The following DDX59 variants were observed in gnomAD, a reference collection of about 807,000 sequenced individuals.
DDX59 encodes the protein probable ATP-dependent RNA helicase DDX59.
In DDX59, 30 loss-of-function variants were observed where a neutral mutation model predicts 51.9. The ratio of observed to expected loss-of-function variants is 0.58; its 90% confidence interval spans 0.43 to 0.78. DDX59 has a LOEUF of 0.78. Among genes scored for constraint, DDX59 ranks in the 30% least tolerant of loss-of-function variants. The probability of loss-of-function intolerance (pLI) is 0.00; values close to 1 mark genes in which losing one functional copy is unlikely to be tolerated. For missense variants in DDX59, 672 were observed against 730.8 expected, an observed-to-expected ratio of 0.92 and a Z score of 0.93; for synonymous variants, 255 against 253.3, an observed-to-expected ratio of 1.01 and a Z score of -0.06.
intron 3 of DDX59, among the ~76,000 whole-genome samples, chr1:200,660,376 C>T (rs989628439): frequency 6.6e-6 from 1 of 152,058 alleles, no homozygotes; most frequent in Non-Finnish European, 1.5e-5. Context: ...TCTCAGAGGG[C>T]ACCTGGGAGA....
Position 200,651,058 on chromosome 1 carries a change from T to C in DDX59, c.1063-382A>G, listed in dbSNP as rs78270581. Among the ~76,000 whole-genome samples the C allele has an allele frequency of 4.5e-3, 692 of 152,246 alleles. 42 individuals carry two copies. The East Asian group carries it at 0.11, about 24-fold the overall frequency. On this transcript the variant is annotated intron_variant, in intron 4 of 7. Transcript: ENST00000331314. ...GGTTAAAAAAAAGCAAATTACAGAA[T>C]ATTATGTGTAACAAGATACCTATTT...
In DDX59 at chr1:200,650,504, A is replaced by T; in HGVS notation, c.1235T>A (p.Leu412Gln). The T allele has an allele frequency of 6.2e-7, 1 of 1,614,082 alleles. No homozygotes were observed. Among genetic ancestry groups the T allele is most frequent in the Non-Finnish European group, 8.5e-7 (1 of 1,179,982 alleles). The change falls in exon 5 of 8, where the codon CTA becomes CAA. Residue 412 changes from leucine to glutamine, a missense_variant. Transcript: ENST00000331314. ...AATCTGACGTACATTGGCACAAGGT[A>T]GGTTCTTTTCTCCAGTGATAATTCT... ...PVRIITGEKNLPCANVRQIIL... is the reference protein window; with the variant it reads ...PVRIITGEKNQPCANVRQIIL...
At chr1:200,669,533 C>A (rs967270740) in intron 1 of DDX59, 4 of 152,422 alleles carry the variant, frequency 2.6e-5, no homozygotes, top group South Asian at 2.1e-4. Context: ...TCCCCTCGGG[C>A]GTTGCCTCCC....
In DDX59 at chr1:200,649,041, A is replaced by G. The variant is rs370096228; in HGVS notation, c.1467+33T>C. On this transcript the variant is annotated intron_variant, in intron 6 of 7. Coordinates refer to ENST00000331314, the MANE Select transcript of DDX59 (RefSeq NM_001031725.6). ...TGAAAATGAGGCAGAACAGATTTAT[A>G]GAAAACAGAATATAGAATATTGGGT... 1.5e-5 allele frequency: 23 copies of G among 1,507,660 alleles called. No individual in the cohort carries two copies. In the African/African-American group the frequency reaches 2.6e-4, roughly 17 times the overall value. The allele number at this position is 1,507,660 out of a possible 1,614,324, so 93.4% of individuals were successfully genotyped here.
rs369273295 is a variant in DDX59, at chr1:200,666,587, T to C, written c.154A>G (p.Ile52Val). 5.6e-6 allele frequency: 9 copies of C among 1,614,200 alleles called. No individual in the cohort carries two copies. Among genetic ancestry groups the C allele is most frequent in the African/African-American group, 1.3e-5 (1 of 75,038 alleles). The change falls in exon 2 of 8, where the codon ATA becomes GTA. Residue 52 changes from isoleucine to valine, a missense_variant. Ile to Val is a conservative substitution (Grantham distance 29). Transcript: ENST00000331314. ...CATGATTCGCTGATGTGCCTGTCTA[T>C]TGTGGCTGCTTCTGTAGCTACAGCA... ...VDAVATEAAT[I>V]DRHISESCPF...
chr1:200,662,475 T>G (rs574859126), intron 3 of DDX59, among the ~76,000 whole-genome samples: 1 of 152,166 alleles, frequency 6.6e-6, no homozygotes, highest in Non-Finnish European at 1.5e-5. Flanking sequence ...GCCAACATGG[T>G]GAAATCCCAT....
intron 4 of DDX59, 43 bp downstream of exon 4, chr1:200,658,984 T>A: frequency 6.8e-7 from 1 of 1,460,896 alleles, no homozygotes; most frequent in Non-Finnish European, 9.5e-7. Flanking sequence ...TTTCCATAAA[T>A]TGTGTAAAAT....
chr1:200,664,645 A>G (rs1469545600), intron 2 of DDX59, among the ~76,000 whole-genome samples: 1 of 148,296 alleles, frequency 6.7e-6, no homozygotes, highest in East Asian at 2.0e-4. Flanking sequence ...TAGTTTTCCA[A>G]TTTTTTCTCC....
At position 200,669,895 on chromosome 1, in the gene DDX59, T is replaced by TGCGGAGCGGAGCGGAGCGGA. The variant is rs1553272168; in HGVS notation, c.-141_-140insTCCGCTCCGCTCCGCTCCGC. On this transcript the variant is annotated 5_prime_UTR_variant, in exon 1 of 8. Coordinates refer to ENST00000331314, the MANE Select transcript of DDX59 (RefSeq NM_001031725.6). ...CAGGACTGCGGCCCGGGGTTGGTGG[T>TGCGGAGCGGAGCGGAGCGGA]GCGGAGCGGAGCGGAGCGGAGCGTA... 1 of 122,182 alleles carries TGCGGAGCGGAGCGGAGCGGA rather than the reference T, an allele frequency of 8.2e-6. No individual in the cohort carries two copies. Among genetic ancestry groups the TGCGGAGCGGAGCGGAGCGGA allele is most frequent in the African/African-American group, 2.7e-5 (1 of 37,258 alleles). 7.6% of individuals were successfully genotyped at this position (122,182 alleles called of 1,614,324 possible). A position where few individuals can be genotyped will look rare whatever the true frequency, so the allele number is the denominator to read the frequency against.
In DDX59 at chr1:200,650,641, T is replaced by C. The variant is rs762123107; in HGVS notation, c.1098A>G (p.Gln366=). The C allele has an allele frequency of 1.2e-5, 20 of 1,613,056 alleles. 1 individual carries two copies. The Admixed American group carries it at 2.0e-4, about 16-fold the overall frequency. ...DTMLKMGFQQ[Q]VLDILENIPN... is the part of the protein sequence containing the mutation. ...GAATGTTTTCCAAAATGTCAAGCAC[T>C]TGTTGTTGAAAACCCATCTTTAACA... Residue 366 remains glutamine, a synonymous_variant, in exon 5 of 8, where the codon CAA becomes CAG. Transcript: ENST00000331314.
chr1:200,665,530 A>G (rs972245645), intron 2 of DDX59, among the ~76,000 whole-genome samples: 4 of 152,090 alleles, frequency 2.6e-5, no homozygotes, highest in African/African-American at 7.2e-5. Flanking sequence ...TTGAAACTCT[A>G]TGTGTTCCAA....
chr1:200,654,750 G>C (rs1661904938), intron 4 of DDX59: 1 of 152,462 alleles, frequency 6.6e-6, no homozygotes, highest in Admixed American at 6.5e-5. Flanking sequence ...AGGTATGACA[G>C]AAGACACGGA....
chr1:200,662,168 T>C (rs560921088), intron 3 of DDX59, among the ~76,000 whole-genome samples: 1 of 152,308 alleles, frequency 6.6e-6, no homozygotes, highest in South Asian at 2.1e-4. Flanking sequence ...GTCTCAGGTA[T>C]TTCTTTATAG....
chr1:200,655,679 T>G (rs4915448), intron 4 of DDX59, among the ~76,000 whole-genome samples: 136,797 of 152,242 alleles, frequency 0.9, 61,680 homozygotes, highest in Middle Eastern at 0.96. Context: ...AACTGATACA[T>G]CCTCTAGTTT....
intron 4 of DDX59, chr1:200,654,776 T>A (rs951532286): frequency 1.3e-5 from 2 of 152,326 alleles, no homozygotes; most frequent in African/African-American, 2.4e-5. Flanking sequence ...GCAAAGCAGA[T>A]CATTTCAAAG....
rs754184314 is a variant in DDX59 at position 200,649,169 on chromosome 1, C to T, written c.1372G>A (p.Asp458Asn). 1.6e-5 allele frequency: 26 copies of T among 1,599,020 alleles called. No homozygotes were observed. The highest frequency in any genetic ancestry group is 2.2e-5 in the Non-Finnish European group (26 of 1,175,194). ...LVFVDCKLGA[D>N]LLSEAVQKIT... ...TTCTGAACGGCTTCACTCAAAAGAT[C>T]TGCTCCTAGTTTGCAGTCCACAAAT... Residue 458 changes from aspartate to asparagine, a missense_variant, in exon 6 of 8, where the codon GAT becomes AAT. Coordinates refer to ENST00000331314, the MANE Select transcript of DDX59 (RefSeq NM_001031725.6).
chr1:200,654,739 CAGGTA>C, intron 4 of DDX59: 1 of 152,522 alleles, frequency 6.6e-6, no homozygotes, highest in South Asian at 2.1e-4. Flanking sequence ...GGCCAAAGGA[CAGGTA>C]TGACAGAAGA....
rs763943908 is a variant in DDX59 at position 200,644,212 on chromosome 1, G to C, written c.*42C>G. 18 of 1,386,032 alleles carry C rather than the reference G, an allele frequency of 1.3e-5. No homozygotes were observed. In the African/African-American group the frequency reaches 2.7e-4, roughly 20 times the overall value. The allele number at this position is 1,386,032 out of a possible 1,614,324, so 85.9% of individuals were successfully genotyped here. A position where few individuals can be genotyped will look rare whatever the true frequency, so the allele number is the denominator to read the frequency against. On this transcript the variant is annotated 3_prime_UTR_variant, in exon 8 of 8. Coordinates refer to ENST00000331314, the MANE Select transcript of DDX59 (RefSeq NM_001031725.6). ...TTTATGCAAACCATAATTTTTTGCT[G>C]ACTATATACAATAAAAAAAAATATT...
At chr1:200,658,993 A>C in intron 4 of DDX59, 34 bp downstream of exon 4, 1 of 1,515,376 alleles carries the variant, frequency 6.6e-7, no homozygotes, top group South Asian at 1.2e-5. Context: ...ATTGTGTAAA[A>C]TCATGTAACT....
Sources: gnomAD v4.1 joint callset for allele counts (sites outside exome capture counted in the v4.1 genomes callset) on GRCh38, gnomAD v4.1.1 for gene constraint, MANE v1.5 for transcripts, NCBI Gene and HGNC (gene_info 2026-07-23, HGNC 2026-07-21) for gene names.